Variants in SLC7A7 observed in about 807,000 individuals in gnomAD.
The protein encoded by SLC7A7 is Y+L amino acid transporter 1.
A neutral mutation model predicts 47.9 loss-of-function variants in SLC7A7; 39 were observed. That is an observed-to-expected ratio of 0.81 (90% confidence interval 0.63 to 1.06). The LOEUF is 1.06. Ranked by LOEUF, SLC7A7 falls within the 50% of genes least tolerant of loss-of-function variation. The pLI is 0.00. For synonymous variants in SLC7A7, 234 were observed against 242.8 expected (o/e 0.96, Z 0.34); for missense variants, 588 against 632.0 (o/e 0.93, Z 0.75).
chr14:22,799,627 G>A (rs1448526662), intron 2 of SLC7A7, among the ~76,000 whole-genome samples: 1 of 151,644 alleles, frequency 6.6e-6, no homozygotes, highest in African/African-American at 2.4e-5. Context: ...GCTAGTTTTT[G>A]TATTTTTAGT....
At position 22,795,388 on chromosome 14, in the gene SLC7A7, T is replaced by TGC. The variant is rs751197653; in HGVS notation, c.500-15338_500-15337insGC. Among the ~76,000 whole-genome samples, 78 of 41,056 alleles carry TGC rather than the reference T, an allele frequency of 1.9e-3. 1 individual carries two copies. Among genetic ancestry groups the TGC allele is most frequent in the African/African-American group, 4.2e-3 (38 of 8,946 alleles). 26.9% of individuals were successfully genotyped at this position (41,056 alleles called of 152,430 possible). ...CCAATCTGAGTATTGCTTGCTTGCT[T>TGC]TCTTTCTTTCTTTCTTTCTTTCTTT... On this transcript the variant is annotated intron_variant, in intron 2 of 9. Coordinates refer to ENST00000674313, the MANE Select transcript of SLC7A7 (RefSeq NM_003982.4).
rs1322754619 is a variant in SLC7A7, at chr14:22,774,488, T to A, written c.1111A>T (p.Ile371Phe). The A allele has an allele frequency of 6.2e-7, 1 of 1,613,922 alleles. No individual in the cohort carries two copies. Among genetic ancestry groups the A allele is most frequent in the Non-Finnish European group, 8.5e-7 (1 of 1,180,008 alleles). ...SLLFNGIMAL[I>F]YLCVEDIFQL... is the part of the protein sequence containing the mutation. ...AAGATGTCTTCCACGCACAAGTAGA[T>A]CAATGCCATGATACCCTGTAAGCGT... Residue 371 changes from isoleucine to phenylalanine, a missense_variant, in exon 8 of 10, where the codon ATC becomes TTC. Transcript: ENST00000674313.
At position 22,773,956 on chromosome 14, in the gene SLC7A7, G is replaced by A. The variant is rs142739200; in HGVS notation, c.1406C>T (p.Pro469Leu). The A allele has an allele frequency of 8.7e-5, 141 of 1,614,032 alleles. No homozygotes were observed. The highest frequency in any genetic ancestry group is 1.1e-4 in the East Asian group (5 of 44,898). Reference sequence around the variant, plus strand: ...ACCCACGATCCTTCGGAGGTAAAGCGGTCGCTTATGTTCTGGCACTCTGAT... The same window carrying A: ...ACCCACGATCCTTCGGAGGTAAAGCAGTCGCTTATGTTCTGGCACTCTGAT... ...LIIRVPEHKR[P>L]LYLRRIVGSA... The change falls in exon 9 of 10, where the codon CCG (proline) becomes CTG (leucine). Residue 469 changes from proline to leucine, a missense_variant. Physicochemically the swap from Pro to Leu is moderately conservative, Grantham distance 98 (BLOSUM62 -3). Transcript: ENST00000674313.
upstream of SLC7A7, chr14:22,815,475 G>A: frequency 4.4e-6 from 2 of 454,538 alleles, no homozygotes; most frequent in South Asian, 1.6e-5. Flanking sequence ...CAAGAAGGGT[G>A]GAGGAGGTGA....
At chr14:22,818,034 A>AC (rs1305514407), upstream of SLC7A7, among the ~76,000 whole-genome samples, 1 of 152,022 alleles carries the variant, frequency 6.6e-6, no homozygotes, top group East Asian at 1.9e-4. Flanking sequence ...CAAAAAAAAA[A>AC]ACACAAACAC....
At chr14:22,807,352 C>T (rs1196418372) in intron 2 of SLC7A7, among the ~76,000 whole-genome samples, 1 of 152,118 alleles carries the variant, frequency 6.6e-6, no homozygotes, top group Admixed American at 6.6e-5. Context: ...CTCCATGTGG[C>T]CACCAGAGTT....
chr14:22,813,439 C>A lies in SLC7A7; in HGVS notation c.-41G>T. 1.2e-6 allele frequency: 2 copies of A among 1,602,938 alleles called. No homozygotes were observed. The highest frequency in any genetic ancestry group is 4.5e-5 in the East Asian group (2 of 44,880). ...ACCCTTCACCAGCTTCCTGGCATTGCCCTTTAAGGAAGAAAGATGATGCTA... is the reference window on the plus strand; with the variant it reads ...ACCCTTCACCAGCTTCCTGGCATTGACCTTTAAGGAAGAAAGATGATGCTA... On this transcript the variant is annotated splice_region_variant and 5_prime_UTR_variant, in exon 2 of 10. Transcript: ENST00000674313.
At chr14:22,818,814 G>A (rs12435537), upstream of SLC7A7, among the ~76,000 whole-genome samples, 12,231 of 151,734 alleles carry the variant, frequency 0.081, 667 homozygotes, top group East Asian at 0.27. Flanking sequence ...GGCTGGTCTC[G>A]AACTCCTGAC....
chr14:22,805,301 G>A (rs564949698), intron 2 of SLC7A7, among the ~76,000 whole-genome samples: 2 of 152,210 alleles, frequency 1.3e-5, no homozygotes, highest in Non-Finnish European at 2.9e-5. Context: ...GGAGGCAGAG[G>A]TTGCAGTTAG....
intron 2 of SLC7A7, among the ~76,000 whole-genome samples, chr14:22,810,903 G>C (rs1213390189): frequency 6.6e-6 from 1 of 152,118 alleles, no homozygotes; most frequent in Non-Finnish European, 1.5e-5. Context: ...ACTTGAACCC[G>C]GGAGGCAGAG....
upstream of SLC7A7, chr14:22,817,262 C>T (rs1294425015): frequency 3.8e-6 from 1 of 263,682 alleles, no homozygotes; most frequent in Non-Finnish European, 7.7e-6. Flanking sequence ...TCTCATGCAT[C>T]AGCCTCCTGA....
At chr14:22,787,617 G>A (rs921246819) in intron 2 of SLC7A7, among the ~76,000 whole-genome samples, 1 of 151,642 alleles carries the variant, frequency 6.6e-6, no homozygotes, top group Admixed American at 6.6e-5. Context: ...TTAGCAGGGT[G>A]TGATGGCACA....
upstream of SLC7A7, among the ~76,000 whole-genome samples, chr14:22,816,978 T>C (rs1205904371): frequency 2.0e-5 from 3 of 152,030 alleles, no homozygotes; most frequent in East Asian, 3.9e-4. Flanking sequence ...CTATCACTTA[T>C]TGAGCACTTA....
At chr14:22,795,452 CT>C (rs775770357) in intron 2 of SLC7A7, among the ~76,000 whole-genome samples, 25,282 of 67,076 alleles carry the variant, frequency 0.38, 3,443 homozygotes, top group Non-Finnish European at 0.43. Flanking sequence ...CTTTTCTATT[CT>C]TTTCTTTTCT....
chr14:22,776,872 G>T (rs1328610756), intron 4 of SLC7A7, among the ~76,000 whole-genome samples: 1 of 152,152 alleles, frequency 6.6e-6, no homozygotes, highest in Non-Finnish European at 1.5e-5. Context: ...AGGAGGCTGA[G>T]GTACGAGAAT....
chr14:22,776,396 T>G, intron 4 of SLC7A7, 78 bp from the exon 5 acceptor site: 1 of 1,576,224 alleles, frequency 6.3e-7, no homozygotes, highest in African/African-American at 1.3e-5. Context: ...AGACTCTCCC[T>G]GCCACACCGG....
chr14:22,804,604 T>C (rs1303019023), intron 2 of SLC7A7, among the ~76,000 whole-genome samples: 1 of 151,896 alleles, frequency 6.6e-6, no homozygotes, highest in Non-Finnish European at 1.5e-5. Context: ...CCAACAAACA[T>C]GAAAAAAAGC....
Position 22,774,339 on chromosome 14 carries a change from A to T in SLC7A7, c.1245+15T>A. The T allele has an allele frequency of 6.2e-7, 1 of 1,614,084 alleles. No individual in the cohort carries two copies. Among genetic ancestry groups the T allele is most frequent in the Non-Finnish European group, 8.5e-7 (1 of 1,180,008 alleles). On this transcript the variant is annotated intron_variant, in intron 8 of 9. Transcript: ENST00000674313. ...CTGTTTCAGGTGGAGCAGAGGTAGG[A>T]TGGAGTTGCCTTACCTTGAGGGGAC...
upstream of SLC7A7, chr14:22,815,703 A>G: frequency 2.2e-6 from 1 of 453,776 alleles, no homozygotes; most frequent in Non-Finnish European, 4.4e-6. Context: ...TGAGTGCAGT[A>G]TCTGTAGCCC....
Sources: gnomAD v4.1 joint callset for allele counts (sites outside exome capture counted in the v4.1 genomes callset) on GRCh38, gnomAD v4.1.1 for gene constraint, MANE v1.5 for transcripts, NCBI Gene and HGNC (gene_info 2026-07-23, HGNC 2026-07-21) for gene names.